The following CACNG2 variants were observed in gnomAD, a reference collection of about 807,000 sequenced individuals.
The protein encoded by CACNG2 is voltage-dependent calcium channel gamma-2 subunit.
Under a neutral mutation model 25.9 loss-of-function variants are expected in CACNG2, and 3 were observed. That is an observed-to-expected ratio of 0.12 (90% CI 0.05 to 0.30). The LOEUF is 0.30. Ranked by LOEUF, CACNG2 falls within the 10% of genes least tolerant of loss-of-function variation. CACNG2 has a pLI of 1.00. For synonymous variants in CACNG2, 167 were observed against 173.3 expected (o/e 0.96, Z 0.29); for missense variants, 341 against 432.5 (o/e 0.79, Z 1.88).
chr22:36,689,002 G>A (rs1267305206), intron 1 of CACNG2, among the ~76,000 whole-genome samples: 1 of 151,948 alleles, frequency 6.6e-6, no homozygotes, highest in Non-Finnish European at 1.5e-5. Context: ...ATCTGTTTTG[G>A]GCCTATCTCC....
At chr22:36,664,223 GAC>G (rs151283335) in intron 1 of CACNG2, among the ~76,000 whole-genome samples, 10,657 of 151,824 alleles carry the variant, frequency 0.07, 411 homozygotes, top group African/African-American at 0.1. Context: ...AAGAAGGTCA[GAC>G]ACACACACAC....
chr22:36,697,216 C>T (rs1311243722), intron 1 of CACNG2, among the ~76,000 whole-genome samples: 3 of 152,120 alleles, frequency 2.0e-5, no homozygotes, highest in Non-Finnish European at 2.9e-5. Flanking sequence ...GCACAGTCGT[C>T]GTCACCCTGA....
At chr22:36,596,015 T>C (rs1239611903) in intron 1 of CACNG2, among the ~76,000 whole-genome samples, 1 of 152,250 alleles carries the variant, frequency 6.6e-6, no homozygotes, top group African/African-American at 2.4e-5. Flanking sequence ...TGCTGTCTTG[T>C]TTCTTTAGAT....
intron 1 of CACNG2, among the ~76,000 whole-genome samples, chr22:36,629,866 G>C (rs1936241402): frequency 6.6e-6 from 1 of 152,170 alleles, no homozygotes; most frequent in Non-Finnish European, 1.5e-5. Context: ...CCACAAAGAA[G>C]AGGCTTTCAA....
At chr22:36,690,438 A>G (rs1182776722) in intron 1 of CACNG2, among the ~76,000 whole-genome samples, 4 of 152,134 alleles carry the variant, frequency 2.6e-5, no homozygotes, top group Non-Finnish European at 5.9e-5. Flanking sequence ...GCCAAGCACA[A>G]CTCGCTTGCC....
At chr22:36,577,462 C>T (rs1935340019) in intron 2 of CACNG2, among the ~76,000 whole-genome samples, 1 of 151,806 alleles carries the variant, frequency 6.6e-6, no homozygotes, top group African/African-American at 2.4e-5. Context: ...CCATCCTGGC[C>T]AACATGGTGA....
chr22:36,608,525 T>G (rs1935877850), intron 1 of CACNG2, among the ~76,000 whole-genome samples: 1 of 152,222 alleles, frequency 6.6e-6, no homozygotes, highest in Non-Finnish European at 1.5e-5. Flanking sequence ...ATATATCATC[T>G]GATGTACTCA....
At chr22:36,623,766 A>G (rs1052370389) in intron 1 of CACNG2, among the ~76,000 whole-genome samples, 3 of 151,966 alleles carry the variant, frequency 2.0e-5, no homozygotes, top group Non-Finnish European at 4.4e-5. Context: ...AACTACTATT[A>G]GTATCATTCA....
chr22:36,642,346 T>C (rs1936452527), intron 1 of CACNG2, among the ~76,000 whole-genome samples: 1 of 152,174 alleles, frequency 6.6e-6, no homozygotes, highest in Non-Finnish European at 1.5e-5. Context: ...TGACCGTTTC[T>C]TCCACTCCAC....
chr22:36,680,618 A>G, intron 1 of CACNG2, among the ~76,000 whole-genome samples: 1 of 142,076 alleles, frequency 7.0e-6, no homozygotes, highest in Admixed American at 7.0e-5. Flanking sequence ...AATTACTACC[A>G]CCATCACCAC....
At chr22:36,608,424 A>T (rs909148554) in intron 1 of CACNG2, among the ~76,000 whole-genome samples, 2 of 152,214 alleles carry the variant, frequency 1.3e-5, no homozygotes, top group East Asian at 1.9e-4. Flanking sequence ...ACGGAATTGC[A>T]TCGAGGACAG....
intron 1 of CACNG2, among the ~76,000 whole-genome samples, chr22:36,675,291 C>T (rs994515561): frequency 3.9e-5 from 6 of 151,946 alleles, no homozygotes; most frequent in African/African-American, 1.2e-4. Context: ...GCGATCTTCC[C>T]GCCTCGGTCC....
At chr22:36,610,989 C>G (rs972537761) in intron 1 of CACNG2, among the ~76,000 whole-genome samples, 1 of 152,166 alleles carries the variant, frequency 6.6e-6, no homozygotes, top group African/African-American at 2.4e-5. Context: ...TGTTTGCATT[C>G]CTGTCATTTA....
rs16996946 is a variant in CACNG2 at position 36,575,801 on chromosome 22, G to A, written c.296-9308C>T. ...ATGACCTTGAATCAAAATAGTCACC[G>A]TAATCAGGTATGTAGCGGGCAGGTT... On this transcript the variant is annotated intron_variant, in intron 2 of 3. Coordinates refer to ENST00000300105, the MANE Select transcript of CACNG2 (RefSeq NM_006078.5). Among the ~76,000 whole-genome samples, 1,106 of 152,262 alleles carry A rather than the reference G, an allele frequency of 7.3e-3. 21 individuals carry two copies. The highest frequency in any genetic ancestry group is 0.025 in the African/African-American group (1,028 of 41,552).
At chr22:36,671,639 A>G (rs1055926194) in intron 1 of CACNG2, among the ~76,000 whole-genome samples, 8 of 152,298 alleles carry the variant, frequency 5.3e-5, no homozygotes, top group Admixed American at 3.3e-4. Flanking sequence ...TACTCTGACC[A>G]TCTGTGCATT....
intron 1 of CACNG2, among the ~76,000 whole-genome samples, chr22:36,639,590 T>A (rs1351418402): frequency 6.6e-6 from 1 of 152,220 alleles, no homozygotes; most frequent in East Asian, 1.9e-4. Context: ...CCACTCCTCC[T>A]CCCTGTGTCA....
chr22:36,700,203 G>T (rs1009738699), intron 1 of CACNG2, among the ~76,000 whole-genome samples: 2 of 152,252 alleles, frequency 1.3e-5, no homozygotes, highest in Admixed American at 1.3e-4. Context: ...CAGGGAGAGA[G>T]GGAGTGTGCA....
intron 1 of CACNG2, among the ~76,000 whole-genome samples, chr22:36,640,237 G>A (rs1237259061): frequency 6.6e-6 from 1 of 152,228 alleles, no homozygotes; most frequent in Non-Finnish European, 1.5e-5. Context: ...AATCTGCAAT[G>A]ACAAGCAGGA....
intron 1 of CACNG2, among the ~76,000 whole-genome samples, chr22:36,638,786 G>A (rs73884121): frequency 7.2e-5 from 11 of 152,120 alleles, no homozygotes; most frequent in South Asian, 2.1e-4. Flanking sequence ...TATCCCCAGC[G>A]TTTCACACAC....
Sources: allele counts gnomAD v4.1 joint callset (sites outside exome capture counted in the v4.1 genomes callset), GRCh38; gene constraint gnomAD v4.1.1; transcripts MANE v1.5; gene names NCBI Gene and HGNC (gene_info 2026-07-23, HGNC 2026-07-21).